The following AKAP13 variants were observed in gnomAD, a reference collection of about 807,000 sequenced individuals.
AKAP13 encodes the protein A-kinase anchor protein 13.
A neutral mutation model predicts 264.5 loss-of-function variants in AKAP13; 80 were observed. The ratio of observed to expected loss-of-function variants is 0.30; its 90% CI spans 0.25 to 0.36. The LOEUF is 0.36. Ranked by LOEUF, AKAP13 falls within the 10% of genes least tolerant of loss-of-function variation. AKAP13 has a pLI of 1.00. For synonymous variants in AKAP13, 1,380 were observed against 1,250.2 expected, an observed-to-expected ratio of 1.10 and a Z score of -2.19; for missense variants, 3,712 against 3,435.2, an observed-to-expected ratio of 1.08 and a Z score of -2.01.
chr15:85,620,081 A>T (rs1432853935), intron 8 of AKAP13: 3 of 1,536,068 alleles, frequency 2.0e-6, no homozygotes, highest in African/African-American at 2.7e-5. Context: ...TCTTTCTTGC[A>T]TTTGGGCAAA....
At chr15:85,385,018 G>A (rs2070481880) in intron 1 of AKAP13, among the ~76,000 whole-genome samples, 1 of 152,182 alleles carries the variant, frequency 6.6e-6, no homozygotes, top group Admixed American at 6.5e-5. Flanking sequence ...GGGAGAGAAG[G>A]AAAACGTGTG....
At chr15:85,630,250 CACACACACACACACACAA>C (rs1271049261) in intron 8 of AKAP13, among the ~76,000 whole-genome samples, 6 of 150,824 alleles carry the variant, frequency 4.0e-5, no homozygotes, top group African/African-American at 1.5e-4. Flanking sequence ...CACACACACA[CACACACACACACACACAA>C]ACACAATGAA....
chr15:85,708,174 G>T lies in AKAP13; in HGVS notation c.5532+88G>T. ...GAGTTGGGAGAGTTGAGGTTGTGGTGGATTTTGTTTATTTTAATCATTTGG... is the reference window on the plus strand; with the variant it reads ...GAGTTGGGAGAGTTGAGGTTGTGGTTGATTTTGTTTATTTTAATCATTTGG... On this transcript the variant is annotated intron_variant, in intron 18 of 36. Transcript: ENST00000394518. This position sits in a 1 kb window ranked among gnomAD's most constrained non-coding sequence, Gnocchi z 4.3. The T allele has an allele frequency of 4.7e-6, 6 of 1,275,138 alleles. No individual in the cohort carries two copies. The Admixed American group carries it at 8.8e-5, about 19-fold the overall frequency. 79.0% of individuals were successfully genotyped at this position (1,275,138 alleles called of 1,614,324 possible).
chr15:85,453,486 G>C (rs2074165832), intron 1 of AKAP13, among the ~76,000 whole-genome samples: 2 of 152,244 alleles, frequency 1.3e-5, no homozygotes, highest in Admixed American at 1.3e-4. Flanking sequence ...ATGGCTGCCT[G>C]TCCTTCCCTC....
rs2080033675 is a variant in AKAP13, at chr15:85,600,945, A to G, written c.4161+15122A>G. On this transcript the variant is annotated intron_variant, in intron 8 of 36. Transcript: ENST00000394518. The stretch of plus-strand genomic sequence containing the variant: ...CCTGTGACAAGTTAATCTTTTTGGA[A>G]TGGCAGTCAGATAGCTGGAGGTAAA... 2.6e-5 allele frequency among the ~76,000 whole-genome samples: 4 copies of G among 152,198 alleles called. 1 individual carries two copies. Among genetic ancestry groups the G allele is most frequent in the Admixed American group, 2.6e-4 (4 of 15,286 alleles).
At chr15:85,630,208 CATCAT>C (rs150872625) in intron 8 of AKAP13, among the ~76,000 whole-genome samples, 13,596 of 44,656 alleles carry the variant, frequency 0.3, 1,398 homozygotes, top group Middle Eastern at 0.45. Context: ...CACACACACA[CATCAT>C]GAACTAAGAT....
Position 85,447,289 on chromosome 15 carries a change from G to GTTA in AKAP13, c.-11-38409_-11-38407dup, listed in dbSNP as rs35609212. Among the ~76,000 whole-genome samples, 5 of 151,588 alleles carry GTTA rather than the reference G, an allele frequency of 3.3e-5. No individual in the cohort carries two copies. The South Asian group carries it at 6.2e-4, about 19-fold the overall frequency. ...TCAAAATAAATAAATAAATAAATCTGTTATTATTATTATTTTAAAATAAGA... is the reference window on the plus strand; with the variant it reads ...TCAAAATAAATAAATAAATAAATCTGTTATTATTATTATTATTTTAAAATAAGA... On this transcript the variant is annotated intron_variant, in intron 1 of 36. Coordinates refer to ENST00000394518, the MANE Select transcript of AKAP13 (RefSeq NM_007200.5).
rs745191 is a variant in AKAP13, at chr15:85,579,939, G to T, written c.1871G>T (p.Gly624Val). The change falls in exon 7 of 37, where the codon GGG (glycine) becomes GTG (valine). Residue 624 changes from glycine (G) to valine (V), a missense_variant. Physicochemically the swap from Gly to Val is moderately radical, Grantham distance 109. This residue lies in a region of AKAP13 where 2,759 missense variants were observed against 2,411.7 expected (regional missense o/e 1.14). Coordinates refer to ENST00000394518, the MANE Select transcript of AKAP13 (RefSeq NM_007200.5). ...TCACCCTCAGATTTAGCCCTTCTTG[G>T]GCTGGAAGAAGATGTAATGCCACAC... ...AMSPSDLALL[G>V]LEEDVMPHQN... 404,572 of 1,613,956 alleles carry T rather than the reference G, an allele frequency of 0.25. 55,321 individuals are homozygous for T. Among genetic ancestry groups the T allele is most frequent in the Middle Eastern group, 0.38 (2,294 of 6,062 alleles).
intron 1 of AKAP13, among the ~76,000 whole-genome samples, chr15:85,446,624 C>T (rs560741311): frequency 5.9e-5 from 9 of 151,868 alleles, no homozygotes; most frequent in South Asian, 4.2e-4. Flanking sequence ...TTGTTGGATG[C>T]GAGGACAATC....
chr15:85,716,000 A>AG, intron 20 of AKAP13, 77 bp downstream of exon 20: 1 of 1,456,028 alleles, frequency 6.9e-7, no homozygotes, highest in Non-Finnish European at 9.1e-7. Flanking sequence ...TATGACAAAA[A>AG]GCTTTTTTTT....
At chr15:85,469,375 T>C (rs568993788) in intron 1 of AKAP13, among the ~76,000 whole-genome samples, 3 of 152,242 alleles carry the variant, frequency 2.0e-5, no homozygotes, top group East Asian at 3.9e-4. Context: ...GTACAGTGGA[T>C]ATTACTATTG....
At chr15:85,611,166 C>G (rs986880114) in intron 8 of AKAP13, among the ~76,000 whole-genome samples, 3 of 152,190 alleles carry the variant, frequency 2.0e-5, no homozygotes, top group Non-Finnish European at 4.4e-5. Context: ...TGTTTACTAT[C>G]CTTTCTTTGA....
intron 1 of AKAP13, among the ~76,000 whole-genome samples, chr15:85,429,687 C>A (rs983323702): frequency 2.0e-5 from 3 of 152,180 alleles, no homozygotes; most frequent in African/African-American, 7.2e-5. Context: ...GAAGAGAGCA[C>A]AAATCTGCAT....
chr15:85,387,626 G>C (rs938926510), intron 1 of AKAP13, among the ~76,000 whole-genome samples: 1 of 152,038 alleles, frequency 6.6e-6, no homozygotes, highest in African/African-American at 2.4e-5. Flanking sequence ...TGCCCAGCCT[G>C]CTGTGGTTTT....
intron 1 of AKAP13, among the ~76,000 whole-genome samples, chr15:85,413,359 G>A (rs11074223): frequency 0.075 from 11,385 of 152,284 alleles, 697 homozygotes; most frequent in East Asian, 0.3. Flanking sequence ...CTAGCTCAAG[G>A]TTGGAGAGAT....
rs1029989540 is a variant in AKAP13, at chr15:85,718,909, C to G, written c.6002-167C>G. 1.1e-6 allele frequency: 1 copy of G among 917,330 alleles called. No individual in the cohort carries two copies. The highest frequency in any genetic ancestry group is 1.7e-5 in the African/African-American group (1 of 57,978). 56.8% of individuals were successfully genotyped at this position (917,330 alleles called of 1,614,324 possible). A position where few individuals can be genotyped will look rare whatever the true frequency, so the allele number is the denominator to read the frequency against. On this transcript the variant is annotated intron_variant, in intron 22 of 36. Coordinates refer to ENST00000394518, the MANE Select transcript of AKAP13 (RefSeq NM_007200.5). The surrounding 1 kb of genome is among the most constrained non-coding windows in gnomAD (Gnocchi z 4.9). ...GCCAGAACCTGTCTTAAAAAAAAAA[C>G]AAAAAAACAAAAAAACGAGAACACT...
intron 8 of AKAP13, among the ~76,000 whole-genome samples, chr15:85,609,522 T>C (rs750136327): frequency 1.3e-5 from 2 of 152,266 alleles, no homozygotes; most frequent in African/African-American, 2.4e-5. Context: ...CATCTGTCGA[T>C]GGACACTTAA....
In AKAP13 at chr15:85,581,337, A is replaced by G. The variant is rs1468790123; in HGVS notation, c.3269A>G (p.Asp1090Gly). The stretch of plus-strand genomic sequence containing the variant: ...GAGGTGAGTGGAGATGTGACGGTGG[A>G]TGTTACAGGGGTTAATGCTCTACAA... ...ACEVSGDVTVDVTGVNALQGM... is the reference protein window; with the variant it reads ...ACEVSGDVTVGVTGVNALQGM... The change falls in exon 7 of 37, where the codon GAT (aspartate) becomes GGT (glycine). Residue 1090 changes from aspartate to glycine, a missense_variant. Physicochemically the swap from Asp to Gly is moderately conservative, Grantham distance 94 (BLOSUM62 -1). Coordinates refer to ENST00000394518, the MANE Select transcript of AKAP13 (RefSeq NM_007200.5). 6.2e-7 allele frequency: 1 copy of G among 1,614,182 alleles called. No homozygotes were observed. The highest frequency in any genetic ancestry group is 8.5e-7 in the Non-Finnish European group (1 of 1,180,008).
At chr15:85,468,954 A>C (rs1270470322) in intron 1 of AKAP13, among the ~76,000 whole-genome samples, 1 of 101,874 alleles carries the variant, frequency 9.8e-6, no homozygotes, top group African/African-American at 4.9e-5. Flanking sequence ...TGCTCTTGTC[A>C]CCCAGGCTGG....
Sources: allele counts gnomAD v4.1 joint callset (sites outside exome capture counted in the v4.1 genomes callset), GRCh38; gene constraint gnomAD v4.1.1; regional missense constraint gnomAD v4.1.1; non-coding constraint Gnocchi (gnomAD v3.1); transcripts MANE v1.5; gene names NCBI Gene and HGNC (gene_info 2026-07-23, HGNC 2026-07-21).